The following ARHGAP8 variants were observed in gnomAD, a reference collection of about 807,000 sequenced individuals.
The protein encoded by ARHGAP8 is Rho GTPase activating protein 8.
ARHGAP8 carries 62 observed loss-of-function variants against 46.1 expected under a neutral mutation model. That is an observed-to-expected ratio of 1.34 (90% CI 1.10 to 1.66). ARHGAP8 has a LOEUF of 1.66. Among genes scored for constraint, ARHGAP8 ranks in the 40% most tolerant of loss-of-function variants. ARHGAP8 has a pLI of 0.00. For synonymous variants in ARHGAP8, 375 were observed against 243.1 expected, an observed-to-expected ratio of 1.54 and a Z score of -5.05; for missense variants, 923 against 568.4, an observed-to-expected ratio of 1.62 and a Z score of -6.34.
rs1467303778 is a variant in ARHGAP8 at position 44,862,727 on chromosome 22, G to T, written c.*132G>T. On this transcript the variant is annotated 3_prime_UTR_variant, in exon 12 of 12. Transcript: ENST00000356099. ...CAGAACCTTCTAATGAAAACTCCAT[G>T]CCTCTGGTCCTTGGACTCTTGTCCA... The T allele has an allele frequency of 5.3e-6, 6 of 1,135,016 alleles. No homozygotes were observed. The highest frequency in any genetic ancestry group is 7.2e-6 in the Non-Finnish European group (6 of 832,090). 70.3% of individuals were successfully genotyped at this position (1,135,016 alleles called of 1,614,324 possible).
rs189829793 is a variant in ARHGAP8 at position 44,767,700 on chromosome 22, G to A, written c.-72+15073G>A. On this transcript the variant is annotated intron_variant, in intron 1 of 11. Transcript: ENST00000356099. ...CCAGCCTGGCCAACATCGTGAAACC[G>A]CGTTTTTACTAAAAATAAAAAAATT... Among the ~76,000 whole-genome samples, 376 of 151,284 alleles carry A rather than the reference G, an allele frequency of 2.5e-3. 1 individual carries two copies. The highest frequency in any genetic ancestry group is 4.2e-3 in the Non-Finnish European group (284 of 67,886).
intron 4 of ARHGAP8, 96 bp downstream of exon 4, chr22:44,808,534 G>C: frequency 3.2e-6 from 5 of 1,539,868 alleles, no homozygotes; most frequent in Non-Finnish European, 4.4e-6. Flanking sequence ...TGCAGTGGGG[G>C]AGGGGTCTGG....
chr22:44,841,768 C>T lies in ARHGAP8; in HGVS notation c.597-3501C>T, dbSNP rs530583012. Reference sequence around the variant, plus strand: ...GTGGGGACTGGAATAAGAGTGGCCACGCCAAACTACGCTGTCTCCTTGGAC... The same window carrying T: ...GTGGGGACTGGAATAAGAGTGGCCATGCCAAACTACGCTGTCTCCTTGGAC... On this transcript the variant is annotated intron_variant, in intron 7 of 11. Transcript: ENST00000356099. 2.6e-4 allele frequency among the ~76,000 whole-genome samples: 40 copies of T among 152,274 alleles called. 4 individuals carry two copies. In the South Asian group the frequency reaches 7.5e-3, roughly 28 times the overall value.
intron 10 of ARHGAP8, among the ~76,000 whole-genome samples, chr22:44,851,856 T>TGGAG (rs1034275903): frequency 1.4e-4 from 21 of 150,008 alleles, no homozygotes; most frequent in Admixed American, 2.7e-4. Context: ...GAAGGAATGA[T>TGGAG]GGAGGGAGGG....
intron 7 of ARHGAP8, among the ~76,000 whole-genome samples, chr22:44,844,627 T>A (rs1231251239): frequency 2.6e-5 from 4 of 152,020 alleles, no homozygotes; most frequent in Non-Finnish European, 2.9e-5. Context: ...CACATCCAGC[T>A]AATTTTTGTA....
In ARHGAP8 at chr22:44,848,022, C is replaced by A. The variant is rs1019749550; in HGVS notation, c.720C>A (p.Val240=). 29 of 1,607,712 alleles carry A rather than the reference C, an allele frequency of 1.8e-5. No homozygotes were observed. Among genetic ancestry groups the A allele is most frequent in the Non-Finnish European group, 2.5e-5 (29 of 1,179,970 alleles). Residue 240 remains valine (V), a synonymous_variant, in exon 9 of 12, where the codon GTC becomes GTA. Coordinates refer to ENST00000356099, the MANE Select transcript of ARHGAP8 (RefSeq NM_181335.3). The part of the protein sequence containing the change: ...LFRRSASVQT[V]REIQRLYNQG... ...GGAGATCCGCCAGCGTGCAGACCGT[C>A]CGCGAGATCCAGAGGCTCTACAACC...
chr22:44,765,796 G>C (rs911218592), intron 1 of ARHGAP8: 2 of 152,384 alleles, frequency 1.3e-5, no homozygotes, highest in Non-Finnish European at 2.9e-5. Flanking sequence ...CCTTCTTCCT[G>C]ACCAGCTGCC....
chr22:44,846,449 G>C (rs2069958300), intron 8 of ARHGAP8, among the ~76,000 whole-genome samples: 1 of 152,210 alleles, frequency 6.6e-6, no homozygotes, highest in Admixed American at 6.5e-5. Context: ...TCAGTGAGCA[G>C]ATGTGCTGGG....
chr22:44,793,522 G>A (rs16992816), intron 2 of ARHGAP8, among the ~76,000 whole-genome samples: 29,406 of 152,044 alleles, frequency 0.19, 3,061 homozygotes, highest in East Asian at 0.43. Flanking sequence ...AAAAATGGTT[G>A]GCAACTTCAA....
intron 7 of ARHGAP8, among the ~76,000 whole-genome samples, chr22:44,837,365 G>C (rs913197436): frequency 2.6e-5 from 4 of 152,260 alleles, no homozygotes; most frequent in Non-Finnish European, 5.9e-5. Flanking sequence ...CGGAAAGCCA[G>C]GTGGGAGTCA....
At chr22:44,780,864 C>T (rs1048007483) in intron 1 of ARHGAP8, among the ~76,000 whole-genome samples, 7 of 152,142 alleles carry the variant, frequency 4.6e-5, no homozygotes, top group South Asian at 2.1e-4. Flanking sequence ...CCCTCATTCA[C>T]GGTAGAGCTA....
chr22:44,817,546 G>A (rs1165336842), intron 5 of ARHGAP8, among the ~76,000 whole-genome samples: 1 of 152,192 alleles, frequency 6.6e-6, no homozygotes, highest in Non-Finnish European at 1.5e-5. Context: ...GCTCACGTCT[G>A]TAATCTCAGC....
chr22:44,803,015 A>G (rs1318684786), intron 3 of ARHGAP8, among the ~76,000 whole-genome samples: 2 of 152,154 alleles, frequency 1.3e-5, no homozygotes, highest in East Asian at 1.9e-4. Flanking sequence ...TGCTGCCGCC[A>G]CCACTGGCTC....
Position 44,862,514 on chromosome 22 carries a change from T to TGTGCCACGGACAC in ARHGAP8, c.1222_1234dup (p.Gln412ArgfsTer67), listed in dbSNP as rs751833616. 2.9e-5 allele frequency: 46 copies of TGTGCCACGGACAC among 1,612,832 alleles called. No homozygotes were observed. Among genetic ancestry groups the TGTGCCACGGACAC allele is most frequent in the South Asian group, 1.8e-4 (16 of 91,022 alleles). On this transcript the variant is annotated frameshift_variant, in exon 12 of 12. Transcript: ENST00000356099. LOFTEE classifies it low-confidence loss of function (END_TRUNC). ...GCAGGGCAGCCCCTTTGCAGGAGGC[T>TGTGCCACGGACAC]GTGCCACGGACACAAGCCACGGGCC...
Position 44,862,714 on chromosome 22 carries a change from A to G in ARHGAP8, c.*119A>G. ...CATTAGATGAATTCAGAACCTTCTA[A>G]TGAAAACTCCATGCCTCTGGTCCTT... is the stretch of plus-strand genomic sequence containing the variant. On this transcript the variant is annotated 3_prime_UTR_variant, in exon 12 of 12. Coordinates refer to ENST00000356099, the MANE Select transcript of ARHGAP8 (RefSeq NM_181335.3). 1 of 1,249,432 alleles carries G rather than the reference A, an allele frequency of 8.0e-7. No homozygotes were observed. The highest frequency in any genetic ancestry group is 1.5e-5 in the African/African-American group (1 of 66,578). 77.4% of individuals were successfully genotyped at this position (1,249,432 alleles called of 1,614,324 possible).
At chr22:44,755,870 C>G (rs1216117708) in intron 1 of ARHGAP8, among the ~76,000 whole-genome samples, 1 of 152,130 alleles carries the variant, frequency 6.6e-6, no homozygotes, top group South Asian at 2.1e-4. Flanking sequence ...CTCTCTTGAC[C>G]TGGAGTCAGT....
intron 7 of ARHGAP8, among the ~76,000 whole-genome samples, chr22:44,827,336 G>GTTTTTT (rs796490147): frequency 0.046 from 3,091 of 67,232 alleles, 875 homozygotes; most frequent in African/African-American, 0.067. Context: ...TTGGGTGGTG[G>GTTTTTT]TTTTTTTTTT....
At chr22:44,856,252 CCCTTTTTT>C (rs2070219289) in intron 10 of ARHGAP8, among the ~76,000 whole-genome samples, 1 of 123,624 alleles carries the variant, frequency 8.1e-6, no homozygotes, top group African/African-American at 3.5e-5. Flanking sequence ...GCTATAAATT[CCCTTTTTT>C]TTTTTTTTTT....
At chr22:44,855,040 C>G (rs1273524370) in intron 10 of ARHGAP8, among the ~76,000 whole-genome samples, 2 of 152,210 alleles carry the variant, frequency 1.3e-5, no homozygotes, top group African/African-American at 4.8e-5. Context: ...GGCTTAGTTT[C>G]TATATTTCTG....
Sources: allele counts gnomAD v4.1 joint callset (sites outside exome capture counted in the v4.1 genomes callset), GRCh38; gene constraint gnomAD v4.1.1; transcripts MANE v1.5; gene names NCBI Gene and HGNC (gene_info 2026-07-23, HGNC 2026-07-21).